FREM2: variants seen among roughly 807,000 people sequenced by gnomAD.
FREM2 encodes the protein FRAS1-related extracellular matrix protein 2.
In FREM2, 119 loss-of-function variants were observed where a neutral mutation model predicts 219.9. The ratio of observed to expected loss-of-function variants is 0.54; its 90% CI spans 0.47 to 0.63. The LOEUF (loss-of-function observed/expected upper bound fraction) is 0.63. FREM2 is among the 30% of genes least tolerant of loss of function. The pLI is 0.00. For missense variants in FREM2, 4,030 were observed against 3,993.6 expected (o/e 1.01, Z -0.25); for synonymous variants, 1,562 against 1,522.8 (o/e 1.03, Z -0.60).
chr13:38,859,987 TGAA>T (rs1445638885), intron 14 of FREM2, among the ~76,000 whole-genome samples: 22 of 152,022 alleles, frequency 1.4e-4, no homozygotes, highest in African/African-American at 5.3e-4. Context: ...AAGCTGAATC[TGAA>T]AAGAGTAGAG....
At chr13:38,870,691 A>G (rs1383805090) in intron 16 of FREM2, among the ~76,000 whole-genome samples, 1 of 152,132 alleles carries the variant, frequency 6.6e-6, no homozygotes, top group African/African-American at 2.4e-5. Context: ...AGAAAATGCA[A>G]TGGAATGCTG....
rs1471823562 is a variant in FREM2 at position 38,883,647 on chromosome 13, T to C, written c.*2860T>C. Reference sequence around the variant, plus strand: ...ACCTAGGATTGGCTATTCTGAGGGATTGCATAGAAACCAAGCTCCACTTGC... The same window carrying C: ...ACCTAGGATTGGCTATTCTGAGGGACTGCATAGAAACCAAGCTCCACTTGC... On this transcript the variant is annotated 3_prime_UTR_variant, in exon 24 of 24. Coordinates refer to ENST00000280481, the MANE Select transcript of FREM2 (RefSeq NM_207361.6). The C allele has an allele frequency of 6.6e-6, 1 of 152,180 alleles. No individual in the cohort carries two copies. The highest frequency in any genetic ancestry group is 1.5e-5 in the Non-Finnish European group (1 of 68,034). 9.4% of individuals were successfully genotyped at this position (152,180 alleles called of 1,614,324 possible).
At chr13:38,872,633 T>C in intron 16 of FREM2, 109 bp from the exon 17 acceptor site, 1 of 878,990 alleles carries the variant, frequency 1.1e-6, no homozygotes. Context: ...CTCTTCTCAA[T>C]GATTACTCAA....
At position 38,687,448 on chromosome 13, in the gene FREM2, T is replaced by G; in HGVS notation, c.104T>G (p.Leu35Arg). 6.3e-7 allele frequency: 1 copy of G among 1,595,158 alleles called. No homozygotes were observed. The highest frequency in any genetic ancestry group is 2.3e-5 in the East Asian group (1 of 44,070). Residue 35 changes from leucine (L) to arginine (R), a missense_variant, in exon 1 of 24, where the codon CTG becomes CGG. Coordinates refer to ENST00000280481, the MANE Select transcript of FREM2 (RefSeq NM_207361.6). ...PPPPRLLLLLLLLLSLVSRVP... is the reference protein window; with the variant it reads ...PPPPRLLLLLRLLLSLVSRVP... ...CCGCCCCGGCTGCTGCTGCTGCTGC[T>G]GCTTCTCCTGTCACTGGTAAGCCGC...
At chr13:38,731,901 A>C (rs971633783) in intron 2 of FREM2, among the ~76,000 whole-genome samples, 3 of 152,240 alleles carry the variant, frequency 2.0e-5, no homozygotes, top group African/African-American at 7.2e-5. Context: ...CATTAGAAGA[A>C]AATCCGCTAG....
chr13:38,809,089 T>C (rs1875370775), intron 6 of FREM2, among the ~76,000 whole-genome samples: 1 of 151,786 alleles, frequency 6.6e-6, no homozygotes, highest in South Asian at 2.1e-4. Flanking sequence ...TTTTTTAAAA[T>C]TGTTATTTTT....
chr13:38,767,226 A>G (rs927252595), intron 3 of FREM2, among the ~76,000 whole-genome samples: 8 of 152,226 alleles, frequency 5.3e-5, no homozygotes, highest in African/African-American at 1.9e-4. Flanking sequence ...CTCTCCTTCC[A>G]CAAACACCCT....
In FREM2 at chr13:38,689,306, C is replaced by G. The variant is rs764816586; in HGVS notation, c.1962C>G (p.Phe654Leu). The G allele has an allele frequency of 6.2e-7, 1 of 1,614,094 alleles. No individual in the cohort carries two copies. The highest frequency in any genetic ancestry group is 8.5e-7 in the Non-Finnish European group (1 of 1,180,004). ...AGGACATAACAGAGGGCAGGCTGTT[C>G]TATAGACACTCTGGGCCCCATAGTC... ...QQQDITEGRL[F>L]YRHSGPHSPG... The change falls in exon 1 of 24, where the codon TTC becomes TTG. Residue 654 changes from phenylalanine (F) to leucine (L), a missense_variant. Physicochemically the swap from Phe to Leu is conservative, Grantham distance 22. This residue lies in a region of FREM2 where 3,102 missense variants were observed against 2,950.7 expected (regional missense o/e 1.05). Coordinates refer to ENST00000280481, the MANE Select transcript of FREM2 (RefSeq NM_207361.6).
chr13:38,878,044 C>CT (rs1878403047), intron 21 of FREM2, 90 bp from the exon 22 acceptor site: 2 of 1,099,022 alleles, frequency 1.8e-6, no homozygotes, highest in Non-Finnish European at 2.8e-6. Flanking sequence ...GAAATAATCT[C>CT]TGTGTCCTCA....
rs376436008 is a variant in FREM2 at position 38,869,683 on chromosome 13, T to C, written c.7984-3059T>C. On this transcript the variant is annotated intron_variant, in intron 16 of 23. Transcript: ENST00000280481. Reference sequence around the variant, plus strand: ...GCAGGAAAAGCAAAATAGAGATGAATTAAATAAATGATTCCACTCTACCTT... The same window carrying C: ...GCAGGAAAAGCAAAATAGAGATGAACTAAATAAATGATTCCACTCTACCTT... 2.0e-5 allele frequency among the ~76,000 whole-genome samples: 3 copies of C among 152,288 alleles called. No homozygotes were observed. The East Asian group carries it at 5.8e-4, about 29-fold the overall frequency.
intron 18 of FREM2, 108 bp downstream of exon 18, chr13:38,874,694 T>A: frequency 1.2e-6 from 1 of 838,000 alleles, no homozygotes; most frequent in Non-Finnish European, 2.1e-6. Context: ...GCCCTTAATC[T>A]CAAATGAATT....
At chr13:38,842,263 G>T (rs1214080937) in intron 6 of FREM2, among the ~76,000 whole-genome samples, 2 of 152,190 alleles carry the variant, frequency 1.3e-5, no homozygotes, top group African/African-American at 4.8e-5. Context: ...AAAGTTGAGA[G>T]GCTTTCAGCA....
intron 4 of FREM2, among the ~76,000 whole-genome samples, chr13:38,780,276 T>C (rs1874066528): frequency 6.6e-6 from 1 of 152,228 alleles, no homozygotes; most frequent in Admixed American, 6.5e-5. Context: ...ATTTCATCTT[T>C]CCAGTTGGTC....
At chr13:38,873,528 G>T (rs1945511) in intron 17 of FREM2, among the ~76,000 whole-genome samples, 112,173 of 152,120 alleles carry the variant, frequency 0.74, 41,785 homozygotes, top group East Asian at 0.84. Flanking sequence ...CTGCGAACTC[G>T]GATTGTGAAT....
intron 4 of FREM2, among the ~76,000 whole-genome samples, chr13:38,779,123 A>T (rs1050050068): frequency 5.9e-5 from 9 of 152,128 alleles, no homozygotes; most frequent in African/African-American, 2.2e-4. Flanking sequence ...AAACTAACAC[A>T]GGAACAGAAA....
chr13:38,805,501 G>T (rs1363091857), intron 6 of FREM2, among the ~76,000 whole-genome samples: 2 of 151,978 alleles, frequency 1.3e-5, no homozygotes, highest in Non-Finnish European at 2.9e-5. Flanking sequence ...AGGGCATGCA[G>T]GTGAAACCAG....
intron 6 of FREM2, among the ~76,000 whole-genome samples, chr13:38,837,797 C>CTTTTTTTTTTTTTTTTTTTTTTT (rs1324884346): frequency 1.6e-5 from 2 of 123,754 alleles, no homozygotes; most frequent in Admixed American, 9.3e-5. Context: ...TTTGTTTTTG[C>CTTTTTTTTTTTTTTTTTTTTTTT]TTTCCATTTG....
chr13:38,861,687 T>TTG, intron 15 of FREM2, 125 bp downstream of exon 15: 5 of 993,052 alleles, frequency 5.0e-6, no homozygotes, highest in South Asian at 1.3e-5. Context: ...GAGCTTCAAG[T>TTG]CCTTCCACTT....
intron 6 of FREM2, 69 bp downstream of exon 6, chr13:38,784,877 G>A (rs559396609): frequency 7.4e-6 from 11 of 1,484,970 alleles, no homozygotes; most frequent in Admixed American, 1.8e-5. Context: ...TTTCTAGACA[G>A]AAAAAATGGG....
Sources: allele counts gnomAD v4.1 joint callset (sites outside exome capture counted in the v4.1 genomes callset), GRCh38; gene constraint gnomAD v4.1.1; regional missense constraint gnomAD v4.1.1; transcripts MANE v1.5; gene names NCBI Gene and HGNC (gene_info 2026-07-23, HGNC 2026-07-21).